Variants in PCNT observed in about 807,000 individuals in gnomAD.
PCNT encodes kendrin.
A neutral mutation model predicts 380.4 loss-of-function variants in PCNT; 319 were observed. That is an observed-to-expected ratio of 0.84 (90% confidence interval 0.77 to 0.92). The LOEUF (loss-of-function observed/expected upper bound fraction) is 0.92, where lower values mean the gene tolerates loss of function less well. PCNT is among the 40% of genes least tolerant of loss of function. PCNT has a pLI of 0.00. For synonymous variants in PCNT, 1,845 were observed against 1,735.2 expected, an observed-to-expected ratio of 1.06 and a Z score of -1.57; for missense variants, 4,400 against 4,255.3, an observed-to-expected ratio of 1.03 and a Z score of -0.95.
intron 27 of PCNT, among the ~76,000 whole-genome samples, chr21:46,403,570 C>T (rs1283837643): frequency 1.6e-5 from 2 of 122,118 alleles, no homozygotes; most frequent in African/African-American, 6.0e-5. Flanking sequence ...GTGTGTGGTG[C>T]CCACGTGGCA....
rs56077060 is a variant in PCNT, at chr21:46,402,119, G to T, written c.4963-212G>T. ...TCTGCCTGCTTGAGCCTCTCAAAGT[G>T]CTGGGATTACAGGCGTGAGCCCATG... On this transcript the variant is annotated intron_variant, in intron 26 of 46. Coordinates refer to ENST00000359568, the MANE Select transcript of PCNT (RefSeq NM_006031.6). 0.17 allele frequency among the ~76,000 whole-genome samples: 19,657 copies of T among 114,656 alleles called. 3,558 individuals are homozygous for T. Among genetic ancestry groups the T allele is most frequent in the African/African-American group, 0.47 (16,886 of 35,732 alleles). 75.2% of individuals were successfully genotyped at this position (114,656 alleles called of 152,430 possible).
intron 35 of PCNT, among the ~76,000 whole-genome samples, 196 bp downstream of exon 35, chr21:46,428,786 C>A (rs887935067): frequency 6.6e-6 from 1 of 152,202 alleles, no homozygotes; most frequent in Admixed American, 6.5e-5. Context: ...GGGGCTGGCA[C>A]GGAGGCCTCA....
At chr21:46,427,927 A>G (rs1001543642) in intron 34 of PCNT, 132 bp downstream of exon 34, 1 of 1,003,436 alleles carries the variant, frequency 1.0e-6, no homozygotes, top group Non-Finnish European at 1.5e-6. Context: ...TGTGGCTGTC[A>G]CTTACCCAGG....
chr21:46,438,129 AC>A, intron 40 of PCNT, 34 bp from the exon 41 acceptor site: 1 of 1,576,614 alleles, frequency 6.3e-7, no homozygotes, highest in South Asian at 1.1e-5. Context: ...CCCTTTAACA[AC>A]AAATTCTTAC....
intron 41 of PCNT, among the ~76,000 whole-genome samples, chr21:46,439,698 C>T (rs1031088499): frequency 6.6e-6 from 1 of 152,148 alleles, no homozygotes; most frequent in East Asian, 1.9e-4. Flanking sequence ...CCACAGCTGT[C>T]GAGAGTTGAC....
chr21:46,349,306 A>G, intron 7 of PCNT, 120 bp downstream of exon 7: 2 of 884,214 alleles, frequency 2.3e-6, no homozygotes, highest in South Asian at 1.4e-5. Flanking sequence ...TAAATGCTGG[A>G]TGGCCCCATG....
At chr21:46,324,915 C>T in intron 1 of PCNT, 1 of 985,444 alleles carries the variant, frequency 1.0e-6, no homozygotes, top group Middle Eastern at 5.2e-4. Flanking sequence ...GTGTGAAAGG[C>T]CCCCGCGGCG....
In PCNT at chr21:46,399,832, G is replaced by A. The variant is rs1404152831; in HGVS notation, c.4791+36G>A. The A allele has an allele frequency of 8.3e-6, 13 of 1,559,554 alleles. No homozygotes were observed. In the African/African-American group the frequency reaches 1.4e-4, roughly 16 times the overall value. On this transcript the variant is annotated intron_variant, in intron 25 of 46. Coordinates refer to ENST00000359568, the MANE Select transcript of PCNT (RefSeq NM_006031.6). ...TCCATGTTGTGGTTGGGCACGTGGT[G>A]AGGTGTCCCGCAGGCATGGCTTCAT...
At position 46,346,864 on chromosome 21, in the gene PCNT, G is replaced by A. The variant is rs1423282185; in HGVS notation, c.842G>A (p.Arg281Gln). ...KEKETALTEL[R>Q]EMLNSRRAQE... ...AAGGAGACGGCATTGACGGAGCTGC[G>A]GGAGATGCTCAACAGCCGGCGTGCC... The change falls in exon 5 of 47, where the codon CGG becomes CAG. Residue 281 changes from arginine (R) to glutamine (Q), a missense_variant. By Grantham distance (43) the Arg-to-Gln change is conservative. Coordinates refer to ENST00000359568, the MANE Select transcript of PCNT (RefSeq NM_006031.6). The A allele has an allele frequency of 4.4e-6, 7 of 1,608,384 alleles. No homozygotes were observed. The highest frequency in any genetic ancestry group is 2.7e-5 in the African/African-American group (2 of 74,898).
At chr21:46,330,738 ATCT>A (rs2083533735) in intron 2 of PCNT, among the ~76,000 whole-genome samples, 1 of 152,244 alleles carries the variant, frequency 6.6e-6, no homozygotes, top group South Asian at 2.1e-4. Context: ...CAAAATAATG[ATCT>A]TCTGAAAAGT....
At chr21:46,394,608 C>T (rs181386232) in intron 21 of PCNT, 1 of 718,678 alleles carries the variant, frequency 1.4e-6, no homozygotes, top group Non-Finnish European at 1.7e-6. Flanking sequence ...AAATTATTTA[C>T]TAAAGAAAAG....
At chr21:46,400,353 G>A (rs2086378904) in intron 25 of PCNT, among the ~76,000 whole-genome samples, 1 of 152,164 alleles carries the variant, frequency 6.6e-6, no homozygotes, top group African/African-American at 2.4e-5. Flanking sequence ...TAGCGGCTGT[G>A]CCCTCCATTG....
At chr21:46,399,859 G>T (rs780690096) in intron 25 of PCNT, 63 bp downstream of exon 25, 3 of 1,410,718 alleles carry the variant, frequency 2.1e-6, no homozygotes, top group South Asian at 1.2e-5. Context: ...TGGCTTCATC[G>T]CTGAGCTGGC....
intron 15 of PCNT, among the ~76,000 whole-genome samples, chr21:46,374,058 G>T (rs936696427): frequency 2.0e-5 from 3 of 152,130 alleles, no homozygotes; most frequent in Admixed American, 2.0e-4. Context: ...GATTGTTTTG[G>T]TGTAGCTGAT....
chr21:46,440,759 C>CT (rs2053587659), intron 42 of PCNT, 96 bp from the exon 43 acceptor site: 3 of 816,280 alleles, frequency 3.7e-6, no homozygotes, highest in East Asian at 2.5e-5. Flanking sequence ...AAAAAACAAT[C>CT]TGACTCTTTG....
At chr21:46,407,854 C>G (rs537820083) in intron 27 of PCNT, among the ~76,000 whole-genome samples, 9 of 152,240 alleles carry the variant, frequency 5.9e-5, no homozygotes, top group Admixed American at 3.9e-4. Flanking sequence ...ACTTTTCTCT[C>G]TTTATTTCTT....
chr21:46,444,474 T>C (rs1388306369), intron 45 of PCNT, among the ~76,000 whole-genome samples: 1 of 152,090 alleles, frequency 6.6e-6, no homozygotes, highest in African/African-American at 2.4e-5. Flanking sequence ...CAAAGTAATA[T>C]ACTCAACTCT....
At position 46,428,392 on chromosome 21, in the gene PCNT, C is replaced by A. The variant is rs1392500282; in HGVS notation, c.7495-3C>A. 1 of 1,611,796 alleles carries A rather than the reference C, an allele frequency of 6.2e-7. No homozygotes were observed. Among genetic ancestry groups the A allele is most frequent in the South Asian group, 1.1e-5 (1 of 90,810 alleles). On this transcript the variant is annotated splice_polypyrimidine_tract_variant and splice_region_variant and intron_variant, in intron 34 of 46. Coordinates refer to ENST00000359568, the MANE Select transcript of PCNT (RefSeq NM_006031.6). ...CAGGCTGCTTGTCCCATTGTGCCCCCAGGGAGACCTGCAGGAAAAGTCCCT... is the reference window on the plus strand; with the variant it reads ...CAGGCTGCTTGTCCCATTGTGCCCCAAGGGAGACCTGCAGGAAAAGTCCCT...
At chr21:46,444,047 A>G in intron 45 of PCNT, 99 bp downstream of exon 45, 1 of 1,307,754 alleles carries the variant, frequency 7.6e-7, no homozygotes, top group South Asian at 1.4e-5. Context: ...GCTTTGGCCC[A>G]GCCCAGGGCA....
Sources: allele counts gnomAD v4.1 joint callset (sites outside exome capture counted in the v4.1 genomes callset), GRCh38; gene constraint gnomAD v4.1.1; transcripts MANE v1.5; gene names NCBI Gene and HGNC (gene_info 2026-07-23, HGNC 2026-07-21).